The following BIRC6 variants were observed in gnomAD, a reference collection of about 807,000 sequenced individuals.
The protein encoded by BIRC6 is dual E2 ubiquitin-conjugating enzyme/E3 ubiquitin-protein ligase BIRC6.
In BIRC6, 98 loss-of-function variants were observed where a neutral mutation model predicts 503.3. The ratio of observed to expected loss-of-function variants is 0.19; its 90% CI spans 0.17 to 0.23. The LOEUF is 0.23. Among genes scored for constraint, BIRC6 ranks in the 10% least tolerant of loss-of-function variants. The pLI, the probability that BIRC6 is intolerant of heterozygous loss-of-function variation, is 1.00. For missense variants in BIRC6, 5,360 were observed against 5,806.0 expected, an observed-to-expected ratio of 0.92 and a Z score of 2.50; for synonymous variants, 2,240 against 2,078.7, an observed-to-expected ratio of 1.08 and a Z score of -2.11.
At chr2:32,575,880 A>G (rs772283805) in intron 66 of BIRC6, among the ~76,000 whole-genome samples, 2 of 152,214 alleles carry the variant, frequency 1.3e-5, no homozygotes, top group African/African-American at 2.4e-5. Context: ...ACAATTGCTT[A>G]TTCAGTATCT....
intron 37 of BIRC6, among the ~76,000 whole-genome samples, chr2:32,480,744 C>T (rs904957576): frequency 3.5e-5 from 5 of 142,866 alleles, no homozygotes; most frequent in African/African-American, 1.0e-4. Context: ...TGGGTTCAAG[C>T]GATTCTCCTG....
chr2:32,365,157 T>G (rs2034709582), intron 1 of BIRC6, among the ~76,000 whole-genome samples: 1 of 152,194 alleles, frequency 6.6e-6, no homozygotes, highest in South Asian at 2.1e-4. Context: ...GAATAGAATA[T>G]TGGCTCTGGA....
rs1294073495 is a variant in BIRC6 at position 32,406,546 on chromosome 2, A to C, written c.1466A>C (p.Asp489Ala). Reference sequence around the variant, plus strand: ...GACAGTGAAGAGCATTCCAGATCAGATTCTGTGACAGGTATGTAAAAAGTA... The same window carrying C: ...GACAGTGAAGAGCATTCCAGATCAGCTTCTGTGACAGGTATGTAAAAAGTA... The part of the protein sequence containing the change: ...DSDSEEHSRS[D>A]SVTGHTSQKE... Residue 489 changes from aspartate (D) to alanine (A), a missense_variant, in exon 9 of 74, where the codon GAT (aspartate) becomes GCT (alanine). Physicochemically the swap from Asp to Ala is moderately radical, Grantham distance 126. Transcript: ENST00000421745. 1 of 1,608,564 alleles carries C rather than the reference A, an allele frequency of 6.2e-7. No homozygotes were observed. Among genetic ancestry groups the C allele is most frequent in the Non-Finnish European group, 8.5e-7 (1 of 1,175,888 alleles).
intron 5 of BIRC6, 123 bp downstream of exon 5, chr2:32,392,273 C>G (rs1051180752): frequency 6.5e-5 from 43 of 665,202 alleles, no homozygotes; most frequent in Admixed American, 1.4e-4. Flanking sequence ...TGCTTGTATG[C>G]ATGGATGCTT....
chr2:32,460,998 C>CTTCTCTTCTCTTCTCTTCTCT (rs1558788701), intron 23 of BIRC6, among the ~76,000 whole-genome samples: 15 of 88,686 alleles, frequency 1.7e-4, no homozygotes, highest in Non-Finnish European at 2.8e-4. Context: ...CTCTGCTCTG[C>CTTCTCTTCTCTTCTCTTCTCT]TCTCTTCTCT....
intron 61 of BIRC6, among the ~76,000 whole-genome samples, chr2:32,538,976 G>A (rs1392021327): frequency 1.3e-5 from 2 of 152,168 alleles, no homozygotes; most frequent in African/African-American, 4.8e-5. Context: ...CATTTGAAAA[G>A]CAAACGTTTG....
chr2:32,359,872 A>G (rs2033770121), intron 1 of BIRC6, among the ~76,000 whole-genome samples: 1 of 152,092 alleles, frequency 6.6e-6, no homozygotes, highest in African/African-American at 2.4e-5. Flanking sequence ...CCTGGCCAGA[A>G]GTTTGTTATT....
intron 61 of BIRC6, among the ~76,000 whole-genome samples, chr2:32,532,894 T>C (rs1487956466): frequency 6.6e-6 from 1 of 152,082 alleles, no homozygotes; most frequent in African/African-American, 2.4e-5. Flanking sequence ...GGAAATGGGG[T>C]CCTGGTAATA....
At chr2:32,550,044 T>C (rs1190463953) in intron 65 of BIRC6, among the ~76,000 whole-genome samples, 1 of 152,182 alleles carries the variant, frequency 6.6e-6, no homozygotes, top group African/African-American at 2.4e-5. Flanking sequence ...AAATGTGTTC[T>C]TTTCCTAAGA....
Position 32,519,542 on chromosome 2 carries a change from G to C in BIRC6, c.11623+596G>C, listed in dbSNP as rs543640019. ...TTATTTATTTAATTTTGAGAGGGGG[G>C]TCTCACTCTGTCACCCAGGCTGAAG... On this transcript the variant is annotated intron_variant, in intron 57 of 73. Transcript: ENST00000421745. Among the ~76,000 whole-genome samples the C allele has an allele frequency of 7.2e-5, 11 of 152,140 alleles. No individual in the cohort carries two copies. In the South Asian group the frequency reaches 2.1e-3, roughly 29 times the overall value.
chr2:32,431,181 CTTTTTTTTTTTTTTTTTTTTT>C lies in BIRC6; in HGVS notation c.3248+103_3248+123del, dbSNP rs10610125. ...AATTCCTAGGTATATTACTGTTTAT[CTTTTTTTTTTTTTTTTTTTTT>C]TTTTTTTTTTTGAGACAGAGTCTCA... On this transcript the variant is annotated intron_variant, in intron 12 of 73. Coordinates refer to ENST00000421745, the MANE Select transcript of BIRC6 (RefSeq NM_016252.4). 5.6e-4 allele frequency: 39 copies of C among 69,354 alleles called. 2 individuals are homozygous for C. In the East Asian group the frequency reaches 0.013, roughly 23 times the overall value. 4.3% of individuals were successfully genotyped at this position (69,354 alleles called of 1,614,324 possible).
At chr2:32,506,352 G>T (rs1353233557) in intron 50 of BIRC6, among the ~76,000 whole-genome samples, 1 of 152,184 alleles carries the variant, frequency 6.6e-6, no homozygotes, top group East Asian at 1.9e-4. Context: ...GTGTTTGCAA[G>T]ATTAGACTGA....
chr2:32,377,799 T>A, intron 2 of BIRC6, 30 bp downstream of exon 2: 1 of 1,566,282 alleles, frequency 6.4e-7, no homozygotes, highest in Non-Finnish European at 8.7e-7. Context: ...AATGTGGTCC[T>A]CTACTTAATG....
At chr2:32,379,133 C>G (rs1223135163) in intron 2 of BIRC6, 1 of 152,074 alleles carries the variant, frequency 6.6e-6, no homozygotes, top group African/African-American at 2.4e-5. Context: ...AAGCATGTTG[C>G]TGAAAGTTTG....
chr2:32,513,297 A>C, intron 54 of BIRC6, 143 bp downstream of exon 54: 1 of 643,762 alleles, frequency 1.6e-6, no homozygotes, highest in Non-Finnish European at 2.6e-6. Context: ...TACTTTTGAA[A>C]TGAATTGTCA....
chr2:32,421,758 G>A (rs2042975396), intron 10 of BIRC6, among the ~76,000 whole-genome samples: 1 of 152,166 alleles, frequency 6.6e-6, no homozygotes, highest in African/African-American at 2.4e-5. Flanking sequence ...CCAGCATCTG[G>A]TCTGTCCTGG....
chr2:32,488,139 G>A (rs1278296846), intron 41 of BIRC6, among the ~76,000 whole-genome samples: 2 of 151,982 alleles, frequency 1.3e-5, no homozygotes, highest in Non-Finnish European at 2.9e-5. Context: ...CCAGGAGTTC[G>A]AGACCAGCTT....
chr2:32,602,523 C>T (rs760042981), intron 70 of BIRC6: 1 of 152,740 alleles, frequency 6.5e-6, no homozygotes, highest in Non-Finnish European at 1.5e-5. Context: ...TTGTATAGCA[C>T]AGTAGGGTGA....
At chr2:32,485,850 T>A in intron 40 of BIRC6, 91 bp downstream of exon 40, 1 of 845,860 alleles carries the variant, frequency 1.2e-6, no homozygotes, top group South Asian at 1.7e-5. Flanking sequence ...GATTTTTAAA[T>A]TCCATGATGT....
Sources: gnomAD v4.1 joint callset for allele counts (sites outside exome capture counted in the v4.1 genomes callset) on GRCh38, gnomAD v4.1.1 for gene constraint, MANE v1.5 for transcripts, NCBI Gene and HGNC (gene_info 2026-07-23, HGNC 2026-07-21) for gene names.